The following KIF17 variants were observed in gnomAD, a reference collection of about 807,000 sequenced individuals.
KIF17 encodes the protein kinesin family member 17, also known as kinesin-like protein KIF17.
In KIF17, 80 loss-of-function variants were observed where a neutral mutation model predicts 96.8. That is an observed-to-expected ratio of 0.83 (90% CI 0.69 to 1.00). KIF17 has a LOEUF of 1.00. KIF17 is among the 50% of genes least tolerant of loss of function. The pLI is 0.00. For missense variants in KIF17, 1,280 were observed against 1,372.9 expected (o/e 0.93, Z 1.07); for synonymous variants, 567 against 587.5 (o/e 0.97, Z 0.51).
chr1:20,678,684 C>T (rs950031577), intron 11 of KIF17, among the ~76,000 whole-genome samples: 1 of 152,118 alleles, frequency 6.6e-6, no homozygotes, highest in South Asian at 2.1e-4. Flanking sequence ...GCATCCAGGA[C>T]AGCATGGGGC....
rs1371663412 is a variant in KIF17, at chr1:20,687,912, C to G, written c.1414G>C (p.Ala472Pro). ...AVLQVGVLYK[A>P]EVMSRAEFAS... ...AACTCAGCCCTGGACATGACCTCAG[C>G]CTTGTAGAGGACTCCCACCTGCAGG... Residue 472 changes from alanine (A) to proline (P), a missense_variant, in exon 8 of 15, where the codon GCT becomes CCT. Transcript: ENST00000400463. This position sits in a 1 kb window ranked among gnomAD's most constrained non-coding sequence, Gnocchi z 4.4. The G allele has an allele frequency of 6.2e-7, 1 of 1,613,684 alleles. No individual in the cohort carries two copies. The highest frequency in any genetic ancestry group is 8.5e-7 in the Non-Finnish European group (1 of 1,180,044).
chr1:20,691,422 C>T (rs1467368931), intron 6 of KIF17, among the ~76,000 whole-genome samples: 1 of 152,046 alleles, frequency 6.6e-6, no homozygotes, highest in East Asian at 1.9e-4. Flanking sequence ...GTTGGGATTA[C>T]AGGCATAAGC....
rs1187336090 is a variant in KIF17 at position 20,704,141 on chromosome 1, G to A, written c.1123+306C>T. Among the ~76,000 whole-genome samples the A allele has an allele frequency of 2.6e-5, 4 of 151,492 alleles. No homozygotes were observed. In the East Asian group the frequency reaches 5.9e-4, roughly 22 times the overall value. On this transcript the variant is annotated intron_variant, in intron 5 of 14. Coordinates refer to ENST00000400463, the MANE Select transcript of KIF17 (RefSeq NM_001122819.3). This position sits in a 1 kb window ranked among gnomAD's most constrained non-coding sequence, Gnocchi z 6.8. ...GACAATGCCACAGACAGCAGCAGAC[G>A]GGGGTGTGGTGGGGGGTGTGGTGGG...
In KIF17 at chr1:20,672,027, T is replaced by A. The variant is rs1374061088; in HGVS notation, c.2633A>T (p.Glu878Val). 1 of 1,614,026 alleles carries A rather than the reference T, an allele frequency of 6.2e-7. No individual in the cohort carries two copies. Among genetic ancestry groups the A allele is most frequent in the African/African-American group, 1.3e-5 (1 of 74,924 alleles). The change falls in exon 12 of 15, where the codon GAG becomes GTG. Residue 878 changes from glutamate (E) to valine (V), a missense_variant. Coordinates refer to ENST00000400463, the MANE Select transcript of KIF17 (RefSeq NM_001122819.3). This position sits in a 1 kb window ranked among gnomAD's most constrained non-coding sequence, Gnocchi z 4.3. ...IRRDCNYSNL[E>V]KILRESCWDE... ...CCAGCAGGACTCACGCAGAATCTTC[T>A]CCAGGTTGCTGTAGTTACAGTCCCT...
intron 11 of KIF17, among the ~76,000 whole-genome samples, chr1:20,676,642 G>T (rs1281236953): frequency 6.6e-6 from 1 of 151,978 alleles, no homozygotes; most frequent in African/African-American, 2.4e-5. Context: ...GACCAGCCTG[G>T]CCAACATGGT....
At chr1:20,715,395 C>G in intron 2 of KIF17, 98 bp downstream of exon 2, 1 of 1,510,722 alleles carries the variant, frequency 6.6e-7, no homozygotes. Context: ...CGGGTCAGGC[C>G]GGGCTCCAAA....
At chr1:20,712,850 A>AG (rs2054492405) in intron 3 of KIF17, among the ~76,000 whole-genome samples, 1 of 13,608 alleles carries the variant, frequency 7.3e-5, no homozygotes. Context: ...AGATATAGAT[A>AG]ATATTATCTA....
intron 10 of KIF17, among the ~76,000 whole-genome samples, chr1:20,684,064 C>T (rs890607728): frequency 2.0e-5 from 3 of 152,264 alleles, no homozygotes; most frequent in Non-Finnish European, 2.9e-5. Context: ...CTACTGATAT[C>T]GCCCATTCTG....
At chr1:20,664,785 G>A (rs749761128) in intron 14 of KIF17, 23 bp from the exon 15 acceptor site, 1 of 1,608,226 alleles carries the variant, frequency 6.2e-7, no homozygotes, top group Admixed American at 1.7e-5. Context: ...GGGCAGAGGT[G>A]CTGGTAAGCC....
rs779852204 is a variant in KIF17 at position 20,717,445 on chromosome 1, G to C, written c.231+31C>G. On this transcript the variant is annotated intron_variant, in intron 1 of 14. Transcript: ENST00000400463. ...TCTCGGGGCGGCCTCATGCCCTGCC[G>C]CCTGCAGGGCGGCCTGCCGGGCGCC... 15 of 1,607,214 alleles carry C rather than the reference G, an allele frequency of 9.3e-6. No individual in the cohort carries two copies. In the Admixed American group the frequency reaches 2.2e-4, roughly 23 times the overall value.
Position 20,712,560 on chromosome 1 carries a change from T to TTATATATATAGATAATATTATCTATA in KIF17, c.480+868_480+893dup, listed in dbSNP as rs2054458229. 3.1e-5 allele frequency among the ~76,000 whole-genome samples: 2 copies of TTATATATATAGATAATATTATCTATA among 63,990 alleles called. 1 individual carries two copies. The highest frequency in any genetic ancestry group is 8.5e-5 in the Non-Finnish European group (2 of 23,506). 42.0% of individuals were successfully genotyped at this position (63,990 alleles called of 152,430 possible). The stretch of plus-strand genomic sequence containing the variant: ...ATCTATATTATAGATATTATCTATA[T>TTATATATATAGATAATATTATCTATA]TATATATATAGATAATATTATCTAT... On this transcript the variant is annotated intron_variant, in intron 3 of 14. Coordinates refer to ENST00000400463, the MANE Select transcript of KIF17 (RefSeq NM_001122819.3).
intron 3 of KIF17, among the ~76,000 whole-genome samples, chr1:20,712,470 G>A (rs1404899033): frequency 6.9e-6 from 1 of 144,752 alleles, no homozygotes; most frequent in African/African-American, 2.6e-5. Context: ...GCGCTGAGGT[G>A]GAAGGCTCAA....
At chr1:20,712,146 T>C (rs1245439557) in intron 3 of KIF17, among the ~76,000 whole-genome samples, 1 of 152,114 alleles carries the variant, frequency 6.6e-6, no homozygotes, top group Non-Finnish European at 1.5e-5. Context: ...AACTGAGGCC[T>C]TTCTAGGGTC....
At chr1:20,669,636 G>A (rs2053602697) in intron 13 of KIF17, among the ~76,000 whole-genome samples, 1 of 149,476 alleles carries the variant, frequency 6.7e-6, no homozygotes, top group Non-Finnish European at 1.5e-5. Context: ...CACTCTGGGA[G>A]GCTGAGGCAG....
chr1:20,689,937 T>G (rs1480710947), intron 7 of KIF17, among the ~76,000 whole-genome samples: 1 of 152,204 alleles, frequency 6.6e-6, no homozygotes, highest in Non-Finnish European at 1.5e-5. Flanking sequence ...GGGGCCAGAC[T>G]GCTTGGGTTC....
In KIF17 at chr1:20,704,975, G is replaced by T; in HGVS notation, c.671-76C>A. The T allele has an allele frequency of 7.4e-7, 1 of 1,360,196 alleles. No homozygotes were observed. Among genetic ancestry groups the T allele is most frequent in the Non-Finnish European group, 1.0e-6 (1 of 968,590 alleles). The allele number at this position is 1,360,196 out of a possible 1,614,324, so 84.3% of individuals were successfully genotyped here. On this transcript the variant is annotated intron_variant, in intron 4 of 14. Coordinates refer to ENST00000400463, the MANE Select transcript of KIF17 (RefSeq NM_001122819.3). This position sits in a 1 kb window ranked among gnomAD's most constrained non-coding sequence, Gnocchi z 6.8. ...TCGAGGGCAATCAGTGCCAGGCACT[G>T]GGTGCTCAATGCCCACCCACCGAGG... is the stretch of plus-strand genomic sequence containing the variant.
intron 11 of KIF17, among the ~76,000 whole-genome samples, chr1:20,680,447 C>T (rs1202850258): frequency 3.9e-5 from 6 of 152,204 alleles, no homozygotes; most frequent in Non-Finnish European, 8.8e-5. Context: ...TGCAGTGGCT[C>T]ACACCTGTAA....
At chr1:20,713,595 C>G (rs41307866) in intron 2 of KIF17, 40 bp from the exon 3 acceptor site, 1 of 1,465,896 alleles carries the variant, frequency 6.8e-7, no homozygotes. Context: ...CCTCAGAGCT[C>G]GAAGTCCACC....
At chr1:20,695,715 C>A (rs1324572344) in intron 6 of KIF17, among the ~76,000 whole-genome samples, 4 of 152,148 alleles carry the variant, frequency 2.6e-5, no homozygotes, top group African/African-American at 9.7e-5. Context: ...CCCACGCCAC[C>A]CAGCTCCAGG....
Sources: gnomAD v4.1 joint callset for allele counts (sites outside exome capture counted in the v4.1 genomes callset) on GRCh38, gnomAD v4.1.1 for gene constraint, Gnocchi (gnomAD v3.1) non-coding constraint, MANE v1.5 for transcripts, NCBI Gene and HGNC (gene_info 2026-07-23, HGNC 2026-07-21) for gene names.